Variants in HERC1 observed in about 807,000 individuals in gnomAD.
HERC1 encodes probable E3 ubiquitin-protein ligase HERC1.
In HERC1, 160 loss-of-function variants were observed where a neutral mutation model predicts 554.3. That is an observed-to-expected ratio of 0.29 (90% CI 0.25 to 0.33). The LOEUF (loss-of-function observed/expected upper bound fraction) is 0.33, where lower values mean the gene tolerates loss of function less well. Among genes scored for constraint, HERC1 ranks in the 10% least tolerant of loss-of-function variants. The pLI is 1.00. For synonymous variants in HERC1, 2,175 were observed against 2,131.7 expected (o/e 1.02, Z -0.56); for missense variants, 4,919 against 5,918.5 (o/e 0.83, Z 5.54).
At chr15:63,656,474 C>G in intron 48 of HERC1, 116 bp from the exon 49 acceptor site, 8 of 903,468 alleles carry the variant, frequency 8.9e-6, no homozygotes, top group Non-Finnish European at 1.3e-5. Flanking sequence ...GTAAGCTGCA[C>G]TATCATTAGC....
chr15:63,768,339 C>G (rs1464877346), intron 2 of HERC1, among the ~76,000 whole-genome samples: 1 of 152,208 alleles, frequency 6.6e-6, no homozygotes, highest in Non-Finnish European at 1.5e-5. Context: ...GCATTTCTAA[C>G]AAATGTAGGT....
chr15:63,701,643 T>C (rs1015230217), intron 25 of HERC1, among the ~76,000 whole-genome samples: 4 of 152,190 alleles, frequency 2.6e-5, no homozygotes, highest in African/African-American at 9.7e-5. Context: ...TGCTGAGCCC[T>C]AACGGATGAA....
intron 24 of HERC1, among the ~76,000 whole-genome samples, chr15:63,708,736 A>G (rs2073142272): frequency 6.6e-6 from 1 of 152,236 alleles, no homozygotes; most frequent in South Asian, 2.1e-4. Flanking sequence ...TTCAGAATAA[A>G]TGAGGTATCA....
At position 63,674,383 on chromosome 15, in the gene HERC1, T is replaced by A. The variant is rs1595943590; in HGVS notation, c.7805A>T (p.His2602Leu). The stretch of plus-strand genomic sequence containing the variant: ...CCCAAACTGGTCTTCCAAAAGCCCA[T>A]GAACCACTAATTTATAGATCATGGC... Reference protein sequence around the residue: ...AQAMIYKLVVHGLLEDQFGGK... With the variant: ...AQAMIYKLVVLGLLEDQFGGK... The change falls in exon 38 of 78, where the codon CAT (histidine) becomes CTT (leucine). Residue 2602 changes from histidine to leucine, a missense_variant. Coordinates refer to ENST00000443617, the MANE Select transcript of HERC1 (RefSeq NM_003922.4). 1.9e-6 allele frequency: 3 copies of A among 1,613,162 alleles called. No homozygotes were observed. The highest frequency in any genetic ancestry group is 2.5e-6 in the Non-Finnish European group (3 of 1,179,554).
chr15:63,819,218 T>C (rs2077600665), intron 1 of HERC1, among the ~76,000 whole-genome samples: 1 of 152,084 alleles, frequency 6.6e-6, no homozygotes, highest in South Asian at 2.1e-4. Flanking sequence ...TCATTTCTGG[T>C]TGCATCATTA....
chr15:63,805,029 T>C (rs543838850), intron 1 of HERC1, among the ~76,000 whole-genome samples: 3 of 152,342 alleles, frequency 2.0e-5, no homozygotes, highest in African/African-American at 7.2e-5. Flanking sequence ...CAGTTTATCA[T>C]AAACACACGC....
At chr15:63,693,898 C>T in intron 30 of HERC1, 66 bp downstream of exon 30, 1 of 1,460,828 alleles carries the variant, frequency 6.8e-7, no homozygotes, top group Non-Finnish European at 9.2e-7. Context: ...ACATCCTAAT[C>T]ATATGCACAC....
intron 26 of HERC1, among the ~76,000 whole-genome samples, chr15:63,698,489 C>CA (rs2072550818): frequency 6.6e-6 from 1 of 150,458 alleles, no homozygotes. Flanking sequence ...TTGTAGGAGA[C>CA]ATGTGAAGAC....
intron 12 of HERC1, among the ~76,000 whole-genome samples, chr15:63,744,110 CTGTGTGTG>C (rs142936354): frequency 2.8e-3 from 262 of 93,348 alleles, no homozygotes; most frequent in Non-Finnish European, 4.1e-3. Flanking sequence ...CCCAAACAGA[CTGTGTGTG>C]TGTGTGTGTG....
chr15:63,804,458 C>T (rs182901100), intron 1 of HERC1, among the ~76,000 whole-genome samples: 75 of 151,962 alleles, frequency 4.9e-4, no homozygotes, highest in African/African-American at 1.6e-3. Flanking sequence ...TGGTGGCGGG[C>T]GCCTGTCATT....
chr15:63,758,295 A>G lies in HERC1; in HGVS notation c.1101T>C (p.Ile367=), dbSNP rs35163901. Reference sequence around the variant, plus strand: ...CATAAACCTCACAGGTTTCGGAGACAATGGGAGCATCACCAGTCTGAATGC... The same window carrying G: ...CATAAACCTCACAGGTTTCGGAGACGATGGGAGCATCACCAGTCTGAATGC... ...PDSIQTGDAP[I]VSETCEVYVW... The change falls in exon 4 of 78, where the codon ATT becomes ATC. Residue 367 remains isoleucine, a synonymous_variant. Transcript: ENST00000443617. This position sits in a 1 kb window ranked among gnomAD's most constrained non-coding sequence, Gnocchi z 4.0. The G allele has an allele frequency of 1.0e-3, 1,644 of 1,613,638 alleles. 16 individuals carry two copies. In the African/African-American group the frequency reaches 0.019, roughly 18 times the overall value.
At chr15:63,829,410 G>A (rs139985026) in intron 1 of HERC1, among the ~76,000 whole-genome samples, 2,341 of 150,382 alleles carry the variant, frequency 0.016, 29 homozygotes, top group East Asian at 0.025. Context: ...GTGACAGAGT[G>A]AGGCCCTGTC....
intron 37 of HERC1, among the ~76,000 whole-genome samples, chr15:63,675,911 T>C (rs1260310956): frequency 2.0e-5 from 3 of 150,940 alleles, no homozygotes; most frequent in Non-Finnish European, 4.4e-5. Flanking sequence ...ATCTTTTTTT[T>C]TTTTTTTTTG....
At position 63,767,443 on chromosome 15, in the gene HERC1, T is replaced by C. The variant is rs189895972; in HGVS notation, c.931-3252A>G. ...AATACTTTTAAATAAAAACAGCAAATATCCCCAGCACTTTGGGAGGCCAAG... is the reference window on the plus strand; with the variant it reads ...AATACTTTTAAATAAAAACAGCAAACATCCCCAGCACTTTGGGAGGCCAAG... On this transcript the variant is annotated intron_variant, in intron 2 of 77. Transcript: ENST00000443617. 9.2e-5 allele frequency among the ~76,000 whole-genome samples: 14 copies of C among 152,132 alleles called. No homozygotes were observed. In the East Asian group the frequency reaches 2.7e-3, roughly 29 times the overall value.
chr15:63,687,311 G>C (rs947368923), intron 33 of HERC1, among the ~76,000 whole-genome samples: 1 of 152,074 alleles, frequency 6.6e-6, no homozygotes, highest in African/African-American at 2.4e-5. Flanking sequence ...AGACCGAAGC[G>C]GGCGGATCAC....
At chr15:63,703,109 CAAAA>C (rs372589572) in intron 25 of HERC1, among the ~76,000 whole-genome samples, 2 of 91,738 alleles carry the variant, frequency 2.2e-5, no homozygotes. Context: ...GACTCTGTCT[CAAAA>C]AAAAAAAAAA....
chr15:63,651,072 T>G (rs1408104740), intron 53 of HERC1, among the ~76,000 whole-genome samples, 181 bp downstream of exon 53: 1 of 152,134 alleles, frequency 6.6e-6, no homozygotes, highest in Non-Finnish European at 1.5e-5. Context: ...GAAAGAAAAG[T>G]GAATAAATGA....
rs770648716 is a variant in HERC1, at chr15:63,756,977, T to A, written c.1222-229A>T. Among the ~76,000 whole-genome samples, 2 of 152,166 alleles carry A rather than the reference T, an allele frequency of 1.3e-5. No individual in the cohort carries two copies. The highest frequency in any genetic ancestry group is 2.9e-5 in the Non-Finnish European group (2 of 68,032). On this transcript the variant is annotated intron_variant, in intron 4 of 77. Coordinates refer to ENST00000443617, the MANE Select transcript of HERC1 (RefSeq NM_003922.4). This position sits in a 1 kb window ranked among gnomAD's most constrained non-coding sequence, Gnocchi z 5.0. ...TTCATGTATATGTTATCTTTCCAGG[T>A]TATTGTCCAGGTTATGATTGAATGA...
intron 1 of HERC1, chr15:63,779,865 T>G (rs2076232624): frequency 6.6e-6 from 1 of 151,660 alleles, no homozygotes; most frequent in Non-Finnish European, 1.5e-5. Flanking sequence ...AATACAAAAA[T>G]TAGCCAGTAG....
Sources: allele counts gnomAD v4.1 joint callset (sites outside exome capture counted in the v4.1 genomes callset), GRCh38; gene constraint gnomAD v4.1.1; non-coding constraint Gnocchi (gnomAD v3.1); transcripts MANE v1.5; gene names NCBI Gene and HGNC (gene_info 2026-07-23, HGNC 2026-07-21).